Variants in LRFN5 observed in about 807,000 individuals in gnomAD.
The protein encoded by LRFN5 is leucine-rich repeat and fibronectin type-III domain-containing protein 5.
In LRFN5, 24 loss-of-function variants were observed where a neutral mutation model predicts 45.6. The ratio of observed to expected loss-of-function variants is 0.53; its 90% CI spans 0.38 to 0.74. The LOEUF (loss-of-function observed/expected upper bound fraction) is 0.74. Among genes scored for constraint, LRFN5 ranks in the 30% least tolerant of loss-of-function variants. LRFN5 has a pLI of 0.00. For synonymous variants in LRFN5, 340 were observed against 313.8 expected, an observed-to-expected ratio of 1.08 and a Z score of -0.88; for missense variants, 776 against 861.5, an observed-to-expected ratio of 0.90 and a Z score of 1.24.
At position 41,887,840 on chromosome 14, in the gene LRFN5, T is replaced by G. The variant is rs752515832; in HGVS notation, c.1215T>G (p.Ser405=). 6.2e-7 allele frequency: 1 copy of G among 1,613,970 alleles called. No homozygotes were observed. The highest frequency in any genetic ancestry group is 8.5e-7 in the Non-Finnish European group (1 of 1,180,010). Residue 405 remains serine, a synonymous_variant, in exon 3 of 6, where the codon TCT becomes TCG. Transcript: ENST00000298119. This position sits in a 1 kb window ranked among gnomAD's most constrained non-coding sequence, Gnocchi z 4.8. The stretch of plus-strand genomic sequence containing the variant: ...TCTCAACTTCTACCAAGTCAGGTTC[T>G]AATACAAGCAGTAGTAATGGTGATA... ...SDISTSTKSG[S]NTSSSNGDTK...
At chr14:41,620,277 AT>A (rs1331652389) in intron 1 of LRFN5, among the ~76,000 whole-genome samples, 1 of 152,150 alleles carries the variant, frequency 6.6e-6, no homozygotes, top group Non-Finnish European at 1.5e-5. Flanking sequence ...TAACCGGGAT[AT>A]TTTAAAAGCA....
At position 41,606,982 on chromosome 14, in the gene LRFN5, C is replaced by T. The variant is rs1268254441; in HGVS notation, c.-1777C>T. ...TTGGGAAGCCCAGCTCCCGGGTCCG[C>T]CCCGGCCGCGGCCGCAGCCCCGGAC... On this transcript the variant is annotated 5_prime_UTR_variant, in exon 1 of 6. Transcript: ENST00000298119. Among the ~76,000 whole-genome samples, 2 of 152,024 alleles carry T rather than the reference C, an allele frequency of 1.3e-5. No individual in the cohort carries two copies. Among genetic ancestry groups the T allele is most frequent in the Non-Finnish European group, 2.9e-5 (2 of 67,962 alleles).
intron 1 of LRFN5, among the ~76,000 whole-genome samples, chr14:41,697,069 A>G (rs1594624653): frequency 6.6e-6 from 1 of 151,960 alleles, no homozygotes; most frequent in South Asian, 2.1e-4. Context: ...AGGTTTTGGT[A>G]TGAGAGTTAT....
At chr14:41,781,028 T>G (rs1320684622) in intron 2 of LRFN5, among the ~76,000 whole-genome samples, 1 of 152,192 alleles carries the variant, frequency 6.6e-6, no homozygotes, top group East Asian at 1.9e-4. Flanking sequence ...TTATGCTATA[T>G]TCAAACAAAA....
intron 1 of LRFN5, among the ~76,000 whole-genome samples, chr14:41,757,660 C>G (rs896277229): frequency 1.3e-5 from 2 of 152,198 alleles, no homozygotes; most frequent in South Asian, 4.1e-4. Flanking sequence ...TCTGTCACCC[C>G]TTTCTTTGAC....
intron 1 of LRFN5, among the ~76,000 whole-genome samples, chr14:41,664,331 C>G (rs1224061935): frequency 6.6e-6 from 1 of 151,632 alleles, no homozygotes; most frequent in Non-Finnish European, 1.5e-5. Context: ...CAGGATATTG[C>G]TTATATCAAT....
At chr14:41,787,268 A>G (rs954409665) in intron 2 of LRFN5, among the ~76,000 whole-genome samples, 32 of 152,032 alleles carry the variant, frequency 2.1e-4, no homozygotes, top group African/African-American at 7.2e-4. Flanking sequence ...AGCTTTCTCT[A>G]TGCATCTTCC....
intron 1 of LRFN5, among the ~76,000 whole-genome samples, chr14:41,655,731 G>A (rs1224147544): frequency 2.6e-5 from 4 of 151,960 alleles, no homozygotes; most frequent in Admixed American, 2.6e-4. Flanking sequence ...TGTAGGCAGT[G>A]GGAGGTGGTT....
At chr14:41,744,767 C>G (rs796555888) in intron 1 of LRFN5, among the ~76,000 whole-genome samples, 5 of 152,042 alleles carry the variant, frequency 3.3e-5, no homozygotes, top group African/African-American at 1.2e-4. Context: ...ATGAAATAAA[C>G]TTTAAATTTA....
At chr14:41,812,448 T>A (rs556045670) in intron 2 of LRFN5, among the ~76,000 whole-genome samples, 1 of 152,038 alleles carries the variant, frequency 6.6e-6, no homozygotes, top group East Asian at 1.9e-4. Flanking sequence ...CATTTTTAAT[T>A]TCTTAGTACC....
chr14:41,831,177 A>G (rs967220289), intron 2 of LRFN5, among the ~76,000 whole-genome samples: 8 of 152,234 alleles, frequency 5.3e-5, no homozygotes, highest in Non-Finnish European at 7.3e-5. Context: ...TCTCCAAAAA[A>G]GAATACAAAG....
chr14:41,633,140 A>G (rs1482881282), intron 1 of LRFN5, among the ~76,000 whole-genome samples: 3 of 151,768 alleles, frequency 2.0e-5, no homozygotes, highest in Non-Finnish European at 1.5e-5. Context: ...TAAACACAAT[A>G]CCTGTCACAA....
At chr14:41,617,984 T>A (rs1887981653) in intron 1 of LRFN5, among the ~76,000 whole-genome samples, 1 of 152,122 alleles carries the variant, frequency 6.6e-6, no homozygotes, top group African/African-American at 2.4e-5. Context: ...TTGTGTAGAC[T>A]GCTGTTGATG....
chr14:41,631,354 A>G (rs979810353), intron 1 of LRFN5, among the ~76,000 whole-genome samples: 2 of 152,038 alleles, frequency 1.3e-5, no homozygotes, highest in Admixed American at 6.6e-5. Context: ...TTCAGAACCT[A>G]TCTCAGAAAA....
chr14:41,644,505 C>T (rs573018867), intron 1 of LRFN5, among the ~76,000 whole-genome samples: 4 of 152,158 alleles, frequency 2.6e-5, no homozygotes, highest in South Asian at 4.2e-4. Context: ...ACTTAATATG[C>T]GTCCAGTTTT....
intron 1 of LRFN5, among the ~76,000 whole-genome samples, chr14:41,665,377 A>G (rs1223997376): frequency 1.3e-5 from 2 of 152,028 alleles, no homozygotes; most frequent in Non-Finnish European, 2.9e-5. Flanking sequence ...TAACATTCAG[A>G]TAATTTATAG....
rs1469743136 is a variant in LRFN5 at position 41,608,485 on chromosome 14, A to G, written c.-274A>G. 2.0e-5 allele frequency: 3 copies of G among 152,698 alleles called. No individual in the cohort carries two copies. Among genetic ancestry groups the G allele is most frequent in the African/African-American group, 4.8e-5 (2 of 41,454 alleles). The allele number at this position is 152,698 out of a possible 1,614,324, so 9.5% of individuals were successfully genotyped here. On this transcript the variant is annotated 5_prime_UTR_variant, in exon 1 of 6. Transcript: ENST00000298119. The stretch of plus-strand genomic sequence containing the variant: ...AGACCCGCGTACGACTGTGAAAGCC[A>G]CCTGGAGCCACCTTGCCGGGATTGT...
At chr14:41,736,825 C>T (rs1457280491) in intron 1 of LRFN5, among the ~76,000 whole-genome samples, 2 of 152,072 alleles carry the variant, frequency 1.3e-5, no homozygotes, top group East Asian at 3.9e-4. Context: ...CCTGAATAGA[C>T]CAATAACAGG....
intron 1 of LRFN5, among the ~76,000 whole-genome samples, chr14:41,631,869 T>A (rs1235276133): frequency 6.6e-6 from 1 of 152,140 alleles, no homozygotes; most frequent in African/African-American, 2.4e-5. Context: ...GAGGAGTAAG[T>A]CCTGGGGACC....
Sources: gnomAD v4.1 joint callset for allele counts (sites outside exome capture counted in the v4.1 genomes callset) on GRCh38, gnomAD v4.1.1 for gene constraint, Gnocchi (gnomAD v3.1) non-coding constraint, MANE v1.5 for transcripts, NCBI Gene and HGNC (gene_info 2026-07-23, HGNC 2026-07-21) for gene names.